SYTL5: variants seen among roughly 807,000 people sequenced by gnomAD.
SYTL5 encodes synaptotagmin-like protein 5.
Under a neutral mutation model 55.9 loss-of-function variants are expected in SYTL5, and 34 were observed. The ratio of observed to expected loss-of-function variants is 0.61; its 90% confidence interval spans 0.46 to 0.81. SYTL5 has a LOEUF of 0.81. Ranked by LOEUF, SYTL5 falls within the 30% of genes least tolerant of loss-of-function variation. SYTL5 has a pLI of 0.00. For missense variants in SYTL5, 637 were observed against 546.7 expected (o/e 1.17, Z -1.65); for synonymous variants, 221 against 188.7 (o/e 1.17, Z -1.40).
the SYTL5 span, among the ~76,000 whole-genome samples, chrX:37,953,953 C>T: frequency 9.0e-6 from 1 of 110,774 alleles, no homozygotes; most frequent in Non-Finnish European, 1.9e-5. Context: ...TGTTTATAGG[C>T]TGAGATAAAG....
the SYTL5 span, among the ~76,000 whole-genome samples, chrX:37,962,912 T>C: frequency 9.0e-6 from 1 of 111,664 alleles, no homozygotes; most frequent in Non-Finnish European, 1.9e-5. Context: ...CCAAATACTA[T>C]CAACATACAA....
intron 13 of SYTL5, among the ~76,000 whole-genome samples, chrX:38,118,760 G>A (rs1402030886): frequency 9.1e-6 from 1 of 109,563 alleles, no homozygotes; most frequent in Non-Finnish European, 1.9e-5. Context: ...ACCAGGTTTT[G>A]CTTATTTTTT....
intron 2 of SYTL5, among the ~76,000 whole-genome samples, chrX:38,035,803 G>A (rs1229994550): frequency 1.8e-5 from 2 of 109,675 alleles, no homozygotes; most frequent in African/African-American, 3.3e-5. Context: ...GCTGAGGCAG[G>A]AGAATCACTT....
chrX:37,913,666 T>C, the SYTL5 span, among the ~76,000 whole-genome samples: 1 of 112,226 alleles, frequency 8.9e-6, no homozygotes, highest in Non-Finnish European at 1.9e-5. Context: ...TTGACCAATG[T>C]GAGATGGGAA....
the SYTL5 span, among the ~76,000 whole-genome samples, chrX:37,895,872 C>G: frequency 7.2e-5 from 8 of 111,537 alleles, no homozygotes; most frequent in Non-Finnish European, 1.5e-4. Context: ...AGTGGATTTG[C>G]ATTGAATTGA....
At chrX:38,079,238 A>G (rs1042542117) in intron 6 of SYTL5, among the ~76,000 whole-genome samples, 2 of 111,670 alleles carry the variant, frequency 1.8e-5, no homozygotes, top group Admixed American at 9.5e-5. Flanking sequence ...TTCATGGATC[A>G]TTGGTATTTT....
the SYTL5 span, among the ~76,000 whole-genome samples, chrX:37,965,520 G>T: frequency 0.36 from 39,456 of 109,582 alleles, 5,148 homozygotes; most frequent in East Asian, 0.6. Flanking sequence ...CTTGTTTTTG[G>T]GATCTAACGT....
intron 1 of SYTL5, among the ~76,000 whole-genome samples, chrX:38,021,035 C>T (rs1934535983): frequency 9.0e-6 from 1 of 111,680 alleles, no homozygotes; most frequent in Non-Finnish European, 1.9e-5. Context: ...TGAGAGGGTA[C>T]ACAAAGTCAG....
At chrX:37,890,874 ATAATTT>A in the SYTL5 span, among the ~76,000 whole-genome samples, 3 of 112,027 alleles carry the variant, frequency 2.7e-5, no homozygotes, top group Admixed American at 2.9e-4. Flanking sequence ...GGCTATAATA[ATAATTT>A]TAAAAAACAG....
the SYTL5 span, among the ~76,000 whole-genome samples, chrX:37,939,891 C>T: frequency 2.7e-5 from 3 of 111,362 alleles, no homozygotes; most frequent in East Asian, 2.8e-4. Flanking sequence ...AGTGCAGTGG[C>T]GCAATCTTGG....
rs745892860 is a variant in SYTL5, at chrX:38,083,837, T to C, written c.690-5609T>C. On this transcript the variant is annotated intron_variant, in intron 6 of 16. Coordinates refer to ENST00000297875, the MANE Select transcript of SYTL5 (RefSeq NM_138780.3). ...GTGCGCATAGGCACTGTGGTGTTAA[T>C]ATATATATATATATAGGTTTTCATC... 3.8e-5 allele frequency among the ~76,000 whole-genome samples: 4 copies of C among 105,605 alleles called. No individual in the cohort carries two copies. The East Asian group carries it at 1.2e-3, about 31-fold the overall frequency. 91.7% of individuals were successfully genotyped at this position (105,605 alleles called of 115,157 possible). A position where few individuals can be genotyped will look rare whatever the true frequency, so the allele number is the denominator to read the frequency against.
the SYTL5 span, among the ~76,000 whole-genome samples, chrX:37,931,440 G>C: frequency 3.6e-5 from 4 of 111,448 alleles, no homozygotes; most frequent in Admixed American, 2.9e-4. Flanking sequence ...ATCTTATTTG[G>C]TACTCTTCTG....
the SYTL5 span, among the ~76,000 whole-genome samples, chrX:37,918,604 G>A: frequency 8.9e-6 from 1 of 112,046 alleles, no homozygotes; most frequent in South Asian, 3.7e-4. Context: ...ACAAATAACT[G>A]AGGATGGTAC....
chrX:37,962,180 C>T, the SYTL5 span, among the ~76,000 whole-genome samples: 7 of 110,474 alleles, frequency 6.3e-5, no homozygotes, highest in Admixed American at 4.8e-4. Flanking sequence ...CCCATTAACT[C>T]GTCATTTACA....
rs5918479 is a variant in SYTL5, at chrX:38,127,480, A to G, written c.*750A>G. The G allele has an allele frequency of 0.34, 37,594 of 110,731 alleles. 6,830 individuals are homozygous for G. The highest frequency in any genetic ancestry group is 0.69 in the African/African-American group (20,996 of 30,244). The allele number at this position is 110,731 out of a possible 1,213,427, so 9.1% of individuals were successfully genotyped here. A position where few individuals can be genotyped will look rare whatever the true frequency, so the allele number is the denominator to read the frequency against. On this transcript the variant is annotated 3_prime_UTR_variant, in exon 17 of 17. Transcript: ENST00000297875. ...ATGTTCTAAGCCATTAACTAAAAGG[A>G]AATGAGATATAATGGTCAATTGATA...
upstream of SYTL5, among the ~76,000 whole-genome samples, chrX:38,005,665 T>C (rs1933969746): frequency 9.0e-6 from 1 of 111,375 alleles, no homozygotes; most frequent in South Asian, 3.7e-4. Context: ...AAAGTAATCA[T>C]CCAATCTGAA....
At chrX:37,892,370 T>C in the SYTL5 span, among the ~76,000 whole-genome samples, 3 of 105,862 alleles carry the variant, frequency 2.8e-5, no homozygotes, top group African/African-American at 1.0e-4. Flanking sequence ...ATATAATATA[T>C]ATAATACTTC....
intron 2 of SYTL5, among the ~76,000 whole-genome samples, chrX:38,041,779 T>C (rs2088591511): frequency 8.9e-6 from 1 of 112,452 alleles, no homozygotes; most frequent in Non-Finnish European, 1.9e-5. Flanking sequence ...ATGTTAAACA[T>C]TGGATTGTCC....
chrX:37,948,585 C>T, the SYTL5 span, among the ~76,000 whole-genome samples: 42 of 109,513 alleles, frequency 3.8e-4, no homozygotes, highest in Admixed American at 8.8e-4. Flanking sequence ...TATACATTGC[C>T]ACTTTCCCCA....
Sources: allele counts gnomAD v4.1 joint callset (sites outside exome capture counted in the v4.1 genomes callset), GRCh38; gene constraint gnomAD v4.1.1; transcripts MANE v1.5; gene names NCBI Gene and HGNC (gene_info 2026-07-23, HGNC 2026-07-21).